The following ANO1 variants were observed in gnomAD, a reference collection of about 807,000 sequenced individuals.
The protein encoded by ANO1 is anoctamin-1.
A neutral mutation model predicts 124.0 loss-of-function variants in ANO1; 59 were observed. The ratio of observed to expected loss-of-function variants is 0.48; its 90% confidence interval spans 0.39 to 0.59. The LOEUF is 0.59. ANO1 is among the 20% of genes least tolerant of loss of function. ANO1 has a pLI of 0.00. For synonymous variants in ANO1, 529 were observed against 532.0 expected, an observed-to-expected ratio of 0.99 and a Z score of 0.08; for missense variants, 1,059 against 1,328.0, an observed-to-expected ratio of 0.80 and a Z score of 3.15.
At chr11:70,035,350 G>A (rs1035763009) in intron 1 of ANO1, among the ~76,000 whole-genome samples, 9 of 152,278 alleles carry the variant, frequency 5.9e-5, no homozygotes, top group East Asian at 3.9e-4. Context: ...CAAGCCCTGC[G>A]CTGGCGAACT....
At chr11:70,105,651 G>A (rs942180667) in intron 4 of ANO1, 83 bp from the exon 5 acceptor site, 77 of 1,298,822 alleles carry the variant, frequency 5.9e-5, no homozygotes, top group Non-Finnish European at 8.4e-5. Context: ...AATGGGGACA[G>A]TGTGGTTTCC....
intron 1 of ANO1, among the ~76,000 whole-genome samples, chr11:70,039,346 G>A (rs35344860): frequency 0.24 from 36,394 of 152,094 alleles, 4,950 homozygotes; most frequent in South Asian, 0.33. Context: ...TCTTCTGGCC[G>A]AAATATGGCT....
chr11:70,125,921 A>G (rs2135491486), intron 9 of ANO1, 140 bp from the exon 10 acceptor site: 1 of 1,032,050 alleles, frequency 9.7e-7, no homozygotes, highest in East Asian at 2.6e-5. Flanking sequence ...GGGGCGGCCC[A>G]GGACCCCACT....
intron 1 of ANO1, among the ~76,000 whole-genome samples, chr11:70,045,389 T>C (rs1408762503): frequency 6.6e-6 from 1 of 152,234 alleles, no homozygotes; most frequent in Non-Finnish European, 1.5e-5. Flanking sequence ...TCTCTGGAAC[T>C]GCCAGGATGT....
intron 2 of ANO1, among the ~76,000 whole-genome samples, chr11:70,098,218 C>T (rs1019286053): frequency 6.6e-6 from 1 of 152,194 alleles, no homozygotes; most frequent in Non-Finnish European, 1.5e-5. Flanking sequence ...GTGTTCTCCT[C>T]CTTGGGAGCT....
intron 14 of ANO1, among the ~76,000 whole-genome samples, chr11:70,155,402 C>A (rs992962847): frequency 1.3e-5 from 2 of 152,226 alleles, no homozygotes; most frequent in African/African-American, 2.4e-5. Flanking sequence ...CTGCTTCTGA[C>A]GGGCCGTACC....
In ANO1 at chr11:70,079,050, A is replaced by C. The variant is rs2044123343; in HGVS notation, c.108+336A>C. 2.0e-5 allele frequency among the ~76,000 whole-genome samples: 3 copies of C among 152,208 alleles called. No homozygotes were observed. The South Asian group carries it at 6.2e-4, about 31-fold the overall frequency. On this transcript the variant is annotated intron_variant, in intron 1 of 25. Transcript: ENST00000355303. ...CAGCTCGGAGCCCAACCAAGAGCTC[A>C]CGGCTGGCGCCCTGGATGGGACCTT...
chr11:70,157,137 C>G, intron 16 of ANO1, 116 bp downstream of exon 16: 3 of 873,330 alleles, frequency 3.4e-6, no homozygotes, highest in Non-Finnish European at 5.4e-6. Context: ...GAGGCCGAGG[C>G]GGGCAGATCA....
chr11:70,010,179 G>GTGTGTGTA, intron 1 of ANO1, among the ~76,000 whole-genome samples: 877 of 83,760 alleles, frequency 0.01, 86 homozygotes, highest in African/African-American at 0.038. Context: ...GTGTGTGTGT[G>GTGTGTGTA]TATATATATA....
intron 4 of ANO1, among the ~76,000 whole-genome samples, chr11:70,105,074 A>AC (rs985482337): frequency 1.3e-5 from 2 of 151,448 alleles, no homozygotes; most frequent in African/African-American, 2.4e-5. Flanking sequence ...TCCTTCCAGG[A>AC]CCCCCGCCGA....
chr11:70,026,075 G>A (rs111211122), intron 1 of ANO1, among the ~76,000 whole-genome samples: 44,125 of 142,588 alleles, frequency 0.31, 7,308 homozygotes, highest in Admixed American at 0.39. Flanking sequence ...TGTGGTGGTG[G>A]TGATGATGAT....
upstream of ANO1, among the ~76,000 whole-genome samples, chr11:69,983,449 C>T (rs868935477): frequency 5.9e-5 from 9 of 152,218 alleles, no homozygotes; most frequent in African/African-American, 2.2e-4. Context: ...GCCACCTCCC[C>T]GAGCCAGTGC....
intron 10 of ANO1, among the ~76,000 whole-genome samples, chr11:70,128,613 G>A (rs913478164): frequency 6.6e-5 from 10 of 152,240 alleles, no homozygotes; most frequent in African/African-American, 2.4e-4. Context: ...CTGCCCAGCA[G>A]GCGACCTGGA....
chr11:69,995,171 C>G (rs1856244691), intron 1 of ANO1, among the ~76,000 whole-genome samples: 1 of 147,508 alleles, frequency 6.8e-6, no homozygotes, highest in Admixed American at 6.8e-5. Context: ...GTGATCTTGG[C>G]CCACTGCAAC....
chr11:70,046,274 A>C (rs1279562243), intron 1 of ANO1, among the ~76,000 whole-genome samples: 1 of 152,154 alleles, frequency 6.6e-6, no homozygotes, highest in Non-Finnish European at 1.5e-5. Context: ...TATTTATTCA[A>C]GCATTTGCAT....
chr11:70,106,599 G>A (rs957204853), intron 5 of ANO1, among the ~76,000 whole-genome samples: 1 of 152,206 alleles, frequency 6.6e-6, no homozygotes, highest in Non-Finnish European at 1.5e-5. Context: ...CAGATCTGGG[G>A]CAGGGAGGAG....
chr11:69,973,595 C>A, the ANO1 span, among the ~76,000 whole-genome samples: 1 of 152,094 alleles, frequency 6.6e-6, no homozygotes, highest in Non-Finnish European at 1.5e-5. Context: ...GTTCCTTAGC[C>A]GGGCGCGGTG....
At position 70,182,528 on chromosome 11, in the gene ANO1, C is replaced by T; in HGVS notation, c.2430C>T (p.Asp810=). The T allele has an allele frequency of 6.2e-7, 1 of 1,600,204 alleles. No individual in the cohort carries two copies. Among genetic ancestry groups the T allele is most frequent in the Non-Finnish European group, 8.5e-7 (1 of 1,173,116 alleles). Residue 810 remains aspartate, a synonymous_variant, in exon 24 of 26, where the codon GAC becomes GAT. Coordinates refer to ENST00000355303, the MANE Select transcript of ANO1 (RefSeq NM_018043.7). ...INAFVISFTS[D]FIPRLVYLYM... is the part of the protein sequence containing the mutation. ...CCTTCGTGATCTCCTTCACGTCTGACTTCATCCCGCGCCTGGTGTACCTCT... is the reference window on the plus strand; with the variant it reads ...CCTTCGTGATCTCCTTCACGTCTGATTTCATCCCGCGCCTGGTGTACCTCT...
At chr11:69,982,489 G>A (rs1490510214), upstream of ANO1, among the ~76,000 whole-genome samples, 6 of 152,180 alleles carry the variant, frequency 3.9e-5, no homozygotes, top group Admixed American at 6.5e-5. Context: ...GTTCTACCAT[G>A]TTTCCCTGTC....
Sources: gnomAD v4.1 joint callset for allele counts (sites outside exome capture counted in the v4.1 genomes callset) on GRCh38, gnomAD v4.1.1 for gene constraint, MANE v1.5 for transcripts, NCBI Gene and HGNC (gene_info 2026-07-23, HGNC 2026-07-21) for gene names.